The following ZNF671 variants were observed in gnomAD, a reference collection of about 807,000 sequenced individuals.
The protein encoded by ZNF671 is zinc finger protein 671.
A neutral mutation model predicts 16.6 loss-of-function variants in ZNF671; 19 were observed. That is an observed-to-expected ratio of 1.14 (90% CI 0.80 to 1.68). The LOEUF (loss-of-function observed/expected upper bound fraction) is 1.68. ZNF671 is among the 40% of genes most tolerant of loss of function. The pLI is 0.00. For missense variants in ZNF671, 637 were observed against 659.8 expected, an observed-to-expected ratio of 0.97 and a Z score of 0.38; for synonymous variants, 238 against 236.3, an observed-to-expected ratio of 1.01 and a Z score of -0.06.
In ZNF671 at chr19:57,727,588, GC is replaced by G; in HGVS notation, c.-61del. On this transcript the variant is annotated 5_prime_UTR_variant, in exon 1 of 4. Coordinates refer to ENST00000317398, the MANE Select transcript of ZNF671 (RefSeq NM_024833.3). ...CCCACACAAGCGTTACAGAACCCCG[GC>G]CAGGGACAGCCTGACAGAAACAAAA... The G allele has an allele frequency of 6.5e-7, 1 of 1,547,972 alleles. No individual in the cohort carries two copies. The highest frequency in any genetic ancestry group is 8.8e-7 in the Non-Finnish European group (1 of 1,140,442).
At chr19:57,722,841 G>A (rs1019951480) in intron 2 of ZNF671, among the ~76,000 whole-genome samples, 12 of 152,038 alleles carry the variant, frequency 7.9e-5, no homozygotes, top group Non-Finnish European at 1.6e-4. Context: ...GTTGCAATGA[G>A]CTGAGATCAT....
chr19:57,727,256 TCCCACACCCA>T (rs1459986730), intron 1 of ZNF671, 125 bp downstream of exon 1: 2 of 1,312,560 alleles, frequency 1.5e-6, no homozygotes, highest in African/African-American at 3.0e-5. Context: ...CCCGTAACTC[TCCCACACCCA>T]CCCACACCGA....
Position 57,720,432 on chromosome 19 carries a change from G to GT in ZNF671, c.*48dup, listed in dbSNP as rs1171456283. On this transcript the variant is annotated 3_prime_UTR_variant, in exon 4 of 4. Transcript: ENST00000317398. ...ACTACTGCTAGTTCCCCACCATATA[G>GT]TAAGTCAGGGGCATTGGCCTAAGAC... 3 of 1,575,318 alleles carry GT rather than the reference G, an allele frequency of 1.9e-6. No individual in the cohort carries two copies.
Position 57,721,716 on chromosome 19 carries a change from C to A in ZNF671, c.389-19G>T. On this transcript the variant is annotated intron_variant, in intron 3 of 3. Coordinates refer to ENST00000317398, the MANE Select transcript of ZNF671 (RefSeq NM_024833.3). ...CAACAACCTGAAGAACACACAAATG[C>A]TGATTAAATGCATATTTACGGGTGG... The A allele has an allele frequency of 6.2e-7, 1 of 1,602,894 alleles. No individual in the cohort carries two copies. Among genetic ancestry groups the A allele is most frequent in the South Asian group, 1.1e-5 (1 of 90,386 alleles).
In ZNF671 at chr19:57,727,601, T is replaced by C; in HGVS notation, c.-73A>G. 6.5e-7 allele frequency: 1 copy of C among 1,534,612 alleles called. No individual in the cohort carries two copies. The highest frequency in any genetic ancestry group is 1.2e-5 in the South Asian group (1 of 81,020). On this transcript the variant is annotated 5_prime_UTR_variant, in exon 1 of 4. Coordinates refer to ENST00000317398, the MANE Select transcript of ZNF671 (RefSeq NM_024833.3). ...TACAGAACCCCGGCCAGGGACAGCC[T>C]GACAGAAACAAAATGTCCGCTACAA...
rs1424251597 is a variant in ZNF671 at position 57,723,194 on chromosome 19, G to A, written c.265+20C>T. 6.3e-7 allele frequency: 1 copy of A among 1,594,378 alleles called. No individual in the cohort carries two copies. The highest frequency in any genetic ancestry group is 8.6e-7 in the Non-Finnish European group (1 of 1,169,464). On this transcript the variant is annotated intron_variant, in intron 2 of 3. Transcript: ENST00000317398. The stretch of plus-strand genomic sequence containing the variant: ...TAGGAAGAACAGAGTGGTAAAGGCA[G>A]AAAAGCATGAGGACCTTACCCAGTG...
At position 57,720,438 on chromosome 19, in the gene ZNF671, C is replaced by A; in HGVS notation, c.*43G>T. On this transcript the variant is annotated 3_prime_UTR_variant, in exon 4 of 4. Transcript: ENST00000317398. ...GCTAGTTCCCCACCATATAGTAAGT[C>A]AGGGGCATTGGCCTAAGACTTTCCC... 1 of 1,583,140 alleles carries A rather than the reference C, an allele frequency of 6.3e-7. No homozygotes were observed. Among genetic ancestry groups the A allele is most frequent in the Non-Finnish European group, 8.6e-7 (1 of 1,161,570 alleles).
Position 57,722,004 on chromosome 19 carries a change from A to G in ZNF671, c.389-307T>C, listed in dbSNP as rs116517404. 3.1e-3 allele frequency: 1,681 copies of G among 549,248 alleles called. 22 individuals are homozygous for G. The highest frequency in any genetic ancestry group is 0.028 in the African/African-American group (1,497 of 53,232). 34.0% of individuals were successfully genotyped at this position (549,248 alleles called of 1,614,324 possible). The stretch of plus-strand genomic sequence containing the variant: ...TATCCAGTCCCAGGAAAATCCAACT[A>G]CAAGTGAGCAGCTGGTGTTCAAAGA... On this transcript the variant is annotated intron_variant, in intron 3 of 3. Coordinates refer to ENST00000317398, the MANE Select transcript of ZNF671 (RefSeq NM_024833.3).
intron 3 of ZNF671, 136 bp downstream of exon 3, chr19:57,722,180 C>T (rs778881514): frequency 1.1e-5 from 15 of 1,373,700 alleles, no homozygotes; most frequent in East Asian, 6.9e-5. Context: ...GATATATCTT[C>T]GTGTCAAGAA....
rs1185409302 is a variant in ZNF671 at position 57,721,647 on chromosome 19, A to AT, written c.438_439insA (p.Phe147IlefsTer21). On this transcript the variant is annotated frameshift_variant, in exon 4 of 4. Coordinates refer to ENST00000317398, the MANE Select transcript of ZNF671 (RefSeq NM_024833.3). LOFTEE classifies it low-confidence loss of function (END_TRUNC). ...CTGACCTCTGACACTCCTGCTACAA[A>AT]AATGCTCTGCTCAGAAGATACCTCT... 1 of 1,614,190 alleles carries AT rather than the reference A, an allele frequency of 6.2e-7. No individual in the cohort carries two copies. Among genetic ancestry groups the AT allele is most frequent in the East Asian group, 2.2e-5 (1 of 44,888 alleles).
rs767236395 is a variant in ZNF671 at position 57,720,697 on chromosome 19, G to T, written c.1389C>A (p.Ile463=). Reference sequence around the variant, plus strand: ...CTTTCTGGTGCTGAATGAGTTTGGAGATGCAGCTGAAAGCTTTACCACATC... The same window carrying T: ...CTTTCTGGTGCTGAATGAGTTTGGATATGCAGCTGAAAGCTTTACCACATC... ...CSRCGKAFSC[I]SKLIQHQKVH... The change falls in exon 4 of 4, where the codon ATC becomes ATA. Residue 463 remains isoleucine, a synonymous_variant. Coordinates refer to ENST00000317398, the MANE Select transcript of ZNF671 (RefSeq NM_024833.3). The T allele has an allele frequency of 6.2e-7, 1 of 1,614,196 alleles. No homozygotes were observed. Among genetic ancestry groups the T allele is most frequent in the Non-Finnish European group, 8.5e-7 (1 of 1,180,052 alleles).
chr19:57,721,114 T>C lies in ZNF671; in HGVS notation c.972A>G (p.Gln324=), dbSNP rs748223637. 12 of 1,614,004 alleles carry C rather than the reference T, an allele frequency of 7.4e-6. No homozygotes were observed. In the African/African-American group the frequency reaches 1.3e-4, roughly 18 times the overall value. The change falls in exon 4 of 4, where the codon CAA becomes CAG. Residue 324 remains glutamine (Q), a synonymous_variant. Transcript: ENST00000317398. ...ECNECGKFFS[Q]SYDLFKHQTV... ...TCTGGTGTTTAAAGAGGTCATAGCT[T>C]TGGCTGAAGAATTTCCCACATTCGT...
At position 57,720,626 on chromosome 19, in the gene ZNF671, G is replaced by C; in HGVS notation, c.1460C>G (p.Ala487Gly). 1 of 1,614,178 alleles carries C rather than the reference G, an allele frequency of 6.2e-7. No individual in the cohort carries two copies. Among genetic ancestry groups the C allele is most frequent in the African/African-American group, 1.3e-5 (1 of 75,030 alleles). ...GATGAGGTTGGGTCTTTGAGTGAAG[G>C]CTTTCCCGCACTTGCTGCACTCATA... ...KPYECSKCGKAFTQRPNLIRH... is the reference protein window; with the variant it reads ...KPYECSKCGKGFTQRPNLIRH... The change falls in exon 4 of 4, where the codon GCC becomes GGC. Residue 487 changes from alanine (A) to glycine (G), a missense_variant. By Grantham distance (60) the Ala-to-Gly change is moderately conservative. Coordinates refer to ENST00000317398, the MANE Select transcript of ZNF671 (RefSeq NM_024833.3).
rs142550724 is a variant in ZNF671, at chr19:57,725,020, G to T, written c.139-1680C>A. Among the ~76,000 whole-genome samples, 7 of 152,148 alleles carry T rather than the reference G, an allele frequency of 4.6e-5. 1 individual carries two copies. Among genetic ancestry groups the T allele is most frequent in the Non-Finnish European group, 1.0e-4 (7 of 68,034 alleles). ...AATGACAGAATGTAGTACATCCTAA[G>T]TTCCAGAGAGTTACCAAAAACAGAG... is the stretch of plus-strand genomic sequence containing the variant. On this transcript the variant is annotated intron_variant, in intron 1 of 3. Transcript: ENST00000317398.
At chr19:57,723,122 C>A in intron 2 of ZNF671, 92 bp downstream of exon 2, 15 of 1,499,550 alleles carry the variant, frequency 1.0e-5, no homozygotes, top group Middle Eastern at 1.9e-4. Flanking sequence ...ATCTTGAGCA[C>A]CTACTCCAGG....
chr19:57,720,581 G>T lies in ZNF671; in HGVS notation c.1505C>A (p.Thr502Asn), dbSNP rs750357486. The T allele has an allele frequency of 9.3e-6, 15 of 1,614,232 alleles. No individual in the cohort carries two copies. Among genetic ancestry groups the T allele is most frequent in the Non-Finnish European group, 1.2e-5 (14 of 1,180,036 alleles). ...ACTACACACATAAGGCCTTTCCCCAGTGTGGACTTTCCAGTGCCTGATGAG... is the reference window on the plus strand; with the variant it reads ...ACTACACACATAAGGCCTTTCCCCATTGTGGACTTTCCAGTGCCTGATGAG... ...PNLIRHWKVH[T>N]GERPYVCSEC... is the part of the protein sequence containing the mutation. The change falls in exon 4 of 4, where the codon ACT becomes AAT. Residue 502 changes from threonine (T) to asparagine (N), a missense_variant. Coordinates refer to ENST00000317398, the MANE Select transcript of ZNF671 (RefSeq NM_024833.3).
rs376890592 is a variant in ZNF671, at chr19:57,722,484, C to A, written c.266-46G>T. On this transcript the variant is annotated intron_variant, in intron 2 of 3. Coordinates refer to ENST00000317398, the MANE Select transcript of ZNF671 (RefSeq NM_024833.3). ...GTGAGCAGCCAGCACTGGCCCATGG[C>A]AAACCACCCTATGATGGACTTCAGG... 26 of 1,606,698 alleles carry A rather than the reference C, an allele frequency of 1.6e-5. No individual in the cohort carries two copies. The African/African-American group carries it at 3.3e-4, about 21-fold the overall frequency.
chr19:57,722,219 G>C (rs1404611182), intron 3 of ZNF671, 97 bp downstream of exon 3: 7 of 1,535,744 alleles, frequency 4.6e-6, no homozygotes, highest in Non-Finnish European at 6.1e-6. Context: ...AACGCTGTGT[G>C]GCCACTGGCC....
chr19:57,725,147 T>C (rs1463408045), intron 1 of ZNF671, among the ~76,000 whole-genome samples: 3 of 151,858 alleles, frequency 2.0e-5, no homozygotes, highest in Non-Finnish European at 2.9e-5. Flanking sequence ...CTGGGAGAAG[T>C]AGTGAACTTT....
Sources: gnomAD v4.1 joint callset for allele counts (sites outside exome capture counted in the v4.1 genomes callset) on GRCh38, gnomAD v4.1.1 for gene constraint, MANE v1.5 for transcripts, NCBI Gene and HGNC (gene_info 2026-07-23, HGNC 2026-07-21) for gene names.